Variants in MND1 observed in about 807,000 individuals in gnomAD.
MND1 encodes meiotic nuclear division protein 1 homolog.
Under a neutral mutation model 35.1 loss-of-function variants are expected in MND1, and 28 were observed. The observed-to-expected ratio is 0.80, with a 90% CI of 0.59 to 1.09. The LOEUF is 1.09. MND1 is among the 50% of genes least tolerant of loss of function. MND1 has a pLI of 0.00. For missense variants in MND1, 213 were observed against 239.6 expected, an observed-to-expected ratio of 0.89 and a Z score of 0.73; for synonymous variants, 69 against 70.5, an observed-to-expected ratio of 0.98 and a Z score of 0.11.
chr4:153,411,212 T>C (rs989120199), intron 7 of MND1, among the ~76,000 whole-genome samples: 1 of 152,100 alleles, frequency 6.6e-6, no homozygotes, highest in African/African-American at 2.4e-5. Flanking sequence ...TAAACACATA[T>C]GAGAGGAATC....
chr4:153,384,443 ATTTTTTTTTTTTTTTTTTT>A (rs561004288), intron 4 of MND1, among the ~76,000 whole-genome samples: 6 of 63,190 alleles, frequency 9.5e-5, no homozygotes, highest in Admixed American at 2.2e-4. Flanking sequence ...CTAATGTTTA[ATTTTTTTTTTTTTTTTTTT>A]TTTTTTTTTT....
intron 4 of MND1, among the ~76,000 whole-genome samples, chr4:153,373,611 A>G (rs1430560133): frequency 6.6e-6 from 1 of 152,054 alleles, no homozygotes; most frequent in Non-Finnish European, 1.5e-5. Context: ...ATTTTGTGAC[A>G]TGGCCCTCTT....
chr4:153,364,446 G>T (rs1255862938), intron 4 of MND1, among the ~76,000 whole-genome samples: 2 of 151,742 alleles, frequency 1.3e-5, no homozygotes, highest in Non-Finnish European at 2.9e-5. Context: ...GAGCCTAAGA[G>T]TTTGAGGTTG....
At chr4:153,412,234 T>G (rs1729702634) in intron 7 of MND1, among the ~76,000 whole-genome samples, 1 of 152,230 alleles carries the variant, frequency 6.6e-6, no homozygotes, top group African/African-American at 2.4e-5. Context: ...TTTATCAATA[T>G]TTGATACTTG....
chr4:153,381,192 C>T (rs1461918975), intron 4 of MND1, among the ~76,000 whole-genome samples: 3 of 152,134 alleles, frequency 2.0e-5, no homozygotes, highest in African/African-American at 7.2e-5. Flanking sequence ...AGCCACTGCG[C>T]CCGGCCAGAG....
At chr4:153,362,353 C>G (rs1283767762) in intron 4 of MND1, among the ~76,000 whole-genome samples, 1 of 152,156 alleles carries the variant, frequency 6.6e-6, no homozygotes, top group Admixed American at 6.5e-5. Context: ...TGGCACCATT[C>G]CCTCAGTGCT....
At chr4:153,396,755 T>C (rs1199328916) in intron 5 of MND1, among the ~76,000 whole-genome samples, 9 of 152,114 alleles carry the variant, frequency 5.9e-5, no homozygotes, top group Admixed American at 5.9e-4. Context: ...ATATAAAATA[T>C]AAAGGATATA....
intron 4 of MND1, among the ~76,000 whole-genome samples, chr4:153,383,315 G>A (rs1450522500): frequency 5.9e-5 from 9 of 152,210 alleles, no homozygotes; most frequent in Non-Finnish European, 1.3e-4. Flanking sequence ...AAGCCGGATG[G>A]TGAGAGGTGG....
intron 5 of MND1, among the ~76,000 whole-genome samples, chr4:153,396,450 C>T (rs564028217): frequency 1.3e-5 from 2 of 152,302 alleles, no homozygotes; most frequent in African/African-American, 2.4e-5. Flanking sequence ...GGCAACCTTA[C>T]GAGTCGTGTT....
rs373722133 is a variant in MND1 at position 153,358,557 on chromosome 4, T to C, written c.211T>C (p.Tyr71His). 6.2e-7 allele frequency: 1 copy of C among 1,613,688 alleles called. No homozygotes were observed. The highest frequency in any genetic ancestry group is 2.2e-5 in the East Asian group (1 of 44,816). The change falls in exon 4 of 8, where the codon TAT becomes CAT. Residue 71 changes from tyrosine (Y) to histidine (H), a missense_variant. By Grantham distance (83) the Tyr-to-His change is moderately conservative. Transcript: ENST00000240488. ...DCERIGTSNY[Y>H]WAFPSKALHA... ...TGAGAGGATCGGAACTTCTAATTAT[T>C]ATTGGGCTTTTCCAAGTAAAGCTCT...
intron 4 of MND1, among the ~76,000 whole-genome samples, chr4:153,389,828 C>T (rs1159807502): frequency 6.6e-6 from 1 of 152,078 alleles, no homozygotes; most frequent in African/African-American, 2.4e-5. Flanking sequence ...ATATAAATAT[C>T]CTGTGTGTTT....
At chr4:153,390,548 G>T (rs1488093084) in intron 4 of MND1, among the ~76,000 whole-genome samples, 2 of 152,014 alleles carry the variant, frequency 1.3e-5, no homozygotes, top group Admixed American at 6.6e-5. Flanking sequence ...AATTAATATA[G>T]TTAAGGTATA....
chr4:153,403,959 G>A (rs897608644), intron 6 of MND1, among the ~76,000 whole-genome samples: 7 of 151,842 alleles, frequency 4.6e-5, no homozygotes, highest in Non-Finnish European at 8.8e-5. Context: ...ATTTCACCAT[G>A]TTACTCAGGC....
At chr4:153,373,825 C>T (rs1728396964) in intron 4 of MND1, among the ~76,000 whole-genome samples, 1 of 152,130 alleles carries the variant, frequency 6.6e-6, no homozygotes, top group Non-Finnish European at 1.5e-5. Flanking sequence ...ATTTTTTTAA[C>T]TCAAATAAAA....
At chr4:153,381,831 C>T (rs990606449) in intron 4 of MND1, 1 of 148,094 alleles carries the variant, frequency 6.8e-6, no homozygotes, top group South Asian at 2.1e-4. Flanking sequence ...CGTTTCCTAC[C>T]AGGGCTGGTT....
chr4:153,405,236 G>A (rs995033200), intron 6 of MND1, among the ~76,000 whole-genome samples: 4 of 152,026 alleles, frequency 2.6e-5, no homozygotes, highest in African/African-American at 7.2e-5. Context: ...TTCAAAACTC[G>A]CTACAAGGCT....
chr4:153,351,524 T>C (rs1356906540), intron 2 of MND1, among the ~76,000 whole-genome samples: 1 of 152,222 alleles, frequency 6.6e-6, no homozygotes, highest in Non-Finnish European at 1.5e-5. Context: ...GGCCATTTCA[T>C]TTGTTCTTTC....
chr4:153,411,480 C>T (rs551264729), intron 7 of MND1, among the ~76,000 whole-genome samples: 58 of 152,006 alleles, frequency 3.8e-4, no homozygotes, highest in Middle Eastern at 3.4e-3. Context: ...TCTTGAAGGC[C>T]GACATCCAGT....
chr4:153,396,736 T>C (rs1729206424), intron 5 of MND1, among the ~76,000 whole-genome samples: 1 of 152,154 alleles, frequency 6.6e-6, no homozygotes, highest in South Asian at 2.1e-4. Context: ...GTATTATTTC[T>C]TTAAATGTAT....
Sources: allele counts gnomAD v4.1 joint callset (sites outside exome capture counted in the v4.1 genomes callset), GRCh38; gene constraint gnomAD v4.1.1; transcripts MANE v1.5; gene names NCBI Gene and HGNC (gene_info 2026-07-23, HGNC 2026-07-21).